Variants in RYR2 observed in about 807,000 individuals in gnomAD.
The protein encoded by RYR2 is cardiac muscle ryanodine receptor-calcium release channel.
RYR2 carries 227 observed loss-of-function variants against 601.1 expected under a neutral mutation model. That is an observed-to-expected ratio of 0.38 (90% confidence interval 0.34 to 0.42). RYR2 has a LOEUF of 0.42. RYR2 is among the 10% of genes least tolerant of loss of function. The probability of loss-of-function intolerance (pLI) is 1.00; values close to 1 mark genes in which losing one functional copy is unlikely to be tolerated. For synonymous variants in RYR2, 2,223 were observed against 2,175.1 expected (o/e 1.02, Z -0.61); for missense variants, 4,646 against 6,156.5 (o/e 0.75, Z 8.21).
chr1:237,803,340 G>C (rs113129182), intron 98 of RYR2, among the ~76,000 whole-genome samples: 2,635 of 148,398 alleles, frequency 0.018, 68 homozygotes, highest in African/African-American at 0.061. Flanking sequence ...GTCTTGCACT[G>C]TCACCCAGGC....
chr1:237,377,507 G>A (rs1490854363), intron 8 of RYR2, 72 bp downstream of exon 8: 3 of 1,107,288 alleles, frequency 2.7e-6, no homozygotes, highest in Non-Finnish European at 4.0e-6. Context: ...ATCTCTTTAA[G>A]GTTTATATTG....
chr1:237,151,980 G>A (rs2148817504), intron 1 of RYR2, among the ~76,000 whole-genome samples: 1 of 152,188 alleles, frequency 6.6e-6, no homozygotes, highest in Admixed American at 6.5e-5. Flanking sequence ...ACATGCATTA[G>A]CTATTTGCCC....
At chr1:237,123,008 T>A (rs1670983813) in intron 1 of RYR2, among the ~76,000 whole-genome samples, 1 of 152,220 alleles carries the variant, frequency 6.6e-6, no homozygotes, top group Non-Finnish European at 1.5e-5. Context: ...ATGTAAAGGC[T>A]ATAGGGGTGG....
At position 237,051,878 on chromosome 1, in the gene RYR2, CA is replaced by C. The variant is rs1197755967; in HGVS notation, c.48+9310del. On this transcript the variant is annotated intron_variant, in intron 1 of 104. Coordinates refer to ENST00000366574, the MANE Select transcript of RYR2 (RefSeq NM_001035.3). ...AGGGGCCCTTTCTGCTGGAGATGGA[CA>C]TATTTTAAAATGAGAGGGAAACTTG... is the stretch of plus-strand genomic sequence containing the variant. 3.3e-5 allele frequency among the ~76,000 whole-genome samples: 5 copies of C among 152,202 alleles called. No individual in the cohort carries two copies. The East Asian group carries it at 9.7e-4, about 29-fold the overall frequency.
intron 79 of RYR2, among the ~76,000 whole-genome samples, chr1:237,741,847 C>G (rs1306593765): frequency 6.6e-6 from 1 of 152,096 alleles, no homozygotes; most frequent in African/African-American, 2.4e-5. Flanking sequence ...GGTGATCTGC[C>G]CGCTACTGCC....
At chr1:237,339,827 C>G (rs1460302337) in intron 3 of RYR2, among the ~76,000 whole-genome samples, 4 of 152,140 alleles carry the variant, frequency 2.6e-5, no homozygotes, top group Non-Finnish European at 5.9e-5. Flanking sequence ...CAAAAAGGAG[C>G]TGACTTTCTT....
chr1:237,159,249 C>A (rs963933530), intron 1 of RYR2, among the ~76,000 whole-genome samples: 5 of 152,016 alleles, frequency 3.3e-5, no homozygotes, highest in Non-Finnish European at 7.4e-5. Context: ...CGAGATCATG[C>A]CGTTGCACTC....
At chr1:237,544,629 ATCAT>A (rs1314972912) in intron 25 of RYR2, among the ~76,000 whole-genome samples, 1 of 152,210 alleles carries the variant, frequency 6.6e-6, no homozygotes, top group East Asian at 1.9e-4. Context: ...CAAGAAGATA[ATCAT>A]TCATATTAGC....
At chr1:237,556,046 G>A (rs970500094) in intron 27 of RYR2, among the ~76,000 whole-genome samples, 2 of 152,040 alleles carry the variant, frequency 1.3e-5, no homozygotes, top group South Asian at 4.1e-4. Flanking sequence ...TAAGTAAAAT[G>A]TTAAGAAGTT....
chr1:237,573,595 A>G (rs901528207), intron 29 of RYR2, among the ~76,000 whole-genome samples: 1 of 149,762 alleles, frequency 6.7e-6, no homozygotes, highest in Non-Finnish European at 1.5e-5. Flanking sequence ...GGCGGATCAC[A>G]AGATCAGGAG....
At chr1:237,125,514 T>G (rs1408953256) in intron 1 of RYR2, among the ~76,000 whole-genome samples, 1 of 152,140 alleles carries the variant, frequency 6.6e-6, no homozygotes, top group Admixed American at 6.5e-5. Flanking sequence ...TTTAACATAC[T>G]TTACTATTAT....
chr1:237,581,574 G>T (rs980825514), intron 29 of RYR2, among the ~76,000 whole-genome samples: 4 of 152,146 alleles, frequency 2.6e-5, no homozygotes, highest in Non-Finnish European at 5.9e-5. Context: ...CTACTAGTTT[G>T]TTCCTACAGT....
intron 100 of RYR2, among the ~76,000 whole-genome samples, chr1:237,810,803 ATAAATTACATTTTAAT>A (rs146286846): frequency 0.074 from 11,322 of 152,264 alleles, 478 homozygotes; most frequent in Middle Eastern, 0.12. Context: ...GGAGAGATAT[ATAAATTACATTTTAAT>A]TAAATTACAT....
intron 1 of RYR2, among the ~76,000 whole-genome samples, chr1:237,130,814 A>G (rs1364044990): frequency 2.6e-5 from 4 of 152,224 alleles, no homozygotes; most frequent in South Asian, 2.1e-4. Flanking sequence ...TAACATCGCC[A>G]TATGCCTCAA....
At chr1:237,089,913 A>G (rs1465139783) in intron 1 of RYR2, among the ~76,000 whole-genome samples, 6 of 152,230 alleles carry the variant, frequency 3.9e-5, no homozygotes, top group Non-Finnish European at 7.3e-5. Flanking sequence ...GCTGCTATGA[A>G]GAAATACCCG....
rs1207738634 is a variant in RYR2, at chr1:237,393,004, C to T, written c.773+4821C>T. On this transcript the variant is annotated intron_variant, in intron 10 of 104. Coordinates refer to ENST00000366574, the MANE Select transcript of RYR2 (RefSeq NM_001035.3). ...AAATACGTTTATTTCTAAATGTATACACTTACCCACATATACAGAGATGAA... is the reference window on the plus strand; with the variant it reads ...AAATACGTTTATTTCTAAATGTATATACTTACCCACATATACAGAGATGAA... Among the ~76,000 whole-genome samples the T allele has an allele frequency of 2.6e-5, 4 of 152,212 alleles. No individual in the cohort carries two copies. The East Asian group carries it at 7.7e-4, about 29-fold the overall frequency.
chr1:237,814,977 T>C (rs1389924674), intron 100 of RYR2, among the ~76,000 whole-genome samples: 1 of 146,636 alleles, frequency 6.8e-6, no homozygotes, highest in Non-Finnish European at 1.5e-5. Flanking sequence ...TTTTTTTTTT[T>C]TTTTTTTGCC....
At chr1:237,732,836 G>A (rs987627849) in intron 78 of RYR2, among the ~76,000 whole-genome samples, 1 of 152,124 alleles carries the variant, frequency 6.6e-6, no homozygotes, top group Admixed American at 6.6e-5. Flanking sequence ...GCCCTGCAAT[G>A]GGAAAGAAAG....
At chr1:237,638,920 ATTC>A in intron 45 of RYR2, 92 bp from the exon 46 acceptor site, 1 of 1,392,576 alleles carries the variant, frequency 7.2e-7, no homozygotes, top group South Asian at 1.3e-5. Flanking sequence ...GGTTTTAGTT[ATTC>A]TTATACATAG....
Sources: gnomAD v4.1 joint callset for allele counts (sites outside exome capture counted in the v4.1 genomes callset) on GRCh38, gnomAD v4.1.1 for gene constraint, MANE v1.5 for transcripts, NCBI Gene and HGNC (gene_info 2026-07-23, HGNC 2026-07-21) for gene names.